Variants in MICAL2 observed in about 807,000 individuals in gnomAD.
The protein encoded by MICAL2 is [F-actin]-monooxygenase MICAL2.
MICAL2 carries 77 observed loss-of-function variants against 127.3 expected under a neutral mutation model. The ratio of observed to expected loss-of-function variants is 0.60; its 90% confidence interval spans 0.50 to 0.73. MICAL2 has a LOEUF of 0.73. Ranked by LOEUF, MICAL2 falls within the 30% of genes least tolerant of loss-of-function variation. MICAL2 has a pLI of 0.00. For synonymous variants in MICAL2, 570 were observed against 551.1 expected (o/e 1.03, Z -0.48); for missense variants, 1,351 against 1,434.4 (o/e 0.94, Z 0.94).
downstream of MICAL2, chr11:12,293,749 T>C: frequency 6.2e-7 from 1 of 1,613,936 alleles, no homozygotes; most frequent in Non-Finnish European, 8.5e-7. Context: ...TCTCAGACCC[T>C]GCAGAGATGA....
At chr11:12,198,953 CCA>C (rs1277493715) in intron 3 of MICAL2, among the ~76,000 whole-genome samples, 2 of 152,310 alleles carry the variant, frequency 1.3e-5, no homozygotes, top group African/African-American at 4.8e-5. Context: ...TTTCAGGAGG[CCA>C]CAGTGTGCTC....
intron 1 of MICAL2, among the ~76,000 whole-genome samples, chr11:12,117,234 TGGCAGCAAGAGGAG>T (rs575901446): frequency 8.5e-4 from 129 of 152,312 alleles, no homozygotes; most frequent in South Asian, 3.7e-3. Flanking sequence ...TTCTTTCTGC[TGGCAGCAAGAGGAG>T]GGCAGCAAGG....
intron 3 of MICAL2, among the ~76,000 whole-genome samples, chr11:12,180,073 A>G (rs1028134304): frequency 2.6e-5 from 4 of 152,172 alleles, no homozygotes; most frequent in African/African-American, 4.8e-5. Flanking sequence ...AACACACTGA[A>G]ATCAGGGTTC....
Position 12,168,831 on chromosome 11 carries a change from C to T in MICAL2, c.264+6412C>T, listed in dbSNP as rs368185216. Among the ~76,000 whole-genome samples, 2 of 151,384 alleles carry T rather than the reference C, an allele frequency of 1.3e-5. 1 individual carries two copies. Among genetic ancestry groups the T allele is most frequent in the East Asian group, 3.9e-4 (2 of 5,160 alleles). On this transcript the variant is annotated intron_variant, in intron 3 of 27. Transcript: ENST00000683283. ...GTGCACCCCACCGTGCCTGTGGTCCCAGCTACGTGGGAGGCTGAGGTGGGA... is the reference window on the plus strand; with the variant it reads ...GTGCACCCCACCGTGCCTGTGGTCCTAGCTACGTGGGAGGCTGAGGTGGGA...
intron 3 of MICAL2, among the ~76,000 whole-genome samples, chr11:12,167,410 T>C (rs904323022): frequency 6.6e-6 from 1 of 152,164 alleles, no homozygotes; most frequent in Non-Finnish European, 1.5e-5. Flanking sequence ...GACGGCCCTA[T>C]GGTCCCCAGT....
intron 3 of MICAL2, among the ~76,000 whole-genome samples, chr11:12,194,318 G>A (rs1193471015): frequency 1.3e-5 from 2 of 152,206 alleles, no homozygotes; most frequent in Non-Finnish European, 2.9e-5. Flanking sequence ...TGTAAGACAT[G>A]GATGATGGAT....
intron 3 of MICAL2, among the ~76,000 whole-genome samples, chr11:12,182,263 G>T (rs529912800): frequency 1.3e-5 from 2 of 152,280 alleles, no homozygotes; most frequent in South Asian, 2.1e-4. Context: ...AAGGACCCCT[G>T]TTCTGATGCC....
At chr11:12,314,842 A>G (rs1390770374) in intron 29 of MICAL2, among the ~76,000 whole-genome samples, 1 of 151,974 alleles carries the variant, frequency 6.6e-6, no homozygotes, top group East Asian at 1.9e-4. Context: ...GCTGTCATAT[A>G]TTTTAAATCA....
intron 13 of MICAL2, among the ~76,000 whole-genome samples, chr11:12,225,296 G>T (rs1295745249): frequency 6.6e-6 from 1 of 152,226 alleles, no homozygotes; most frequent in Non-Finnish European, 1.5e-5. Flanking sequence ...AGAAATAGCA[G>T]CAGGGTCATT....
intron 29 of MICAL2, among the ~76,000 whole-genome samples, chr11:12,313,179 A>AAT (rs1171001912): frequency 1.3e-5 from 2 of 151,434 alleles, no homozygotes; most frequent in Non-Finnish European, 1.5e-5. Context: ...AAAAAAAAAA[A>AAT]AAAAAAAAAG....
intron 21 of MICAL2, among the ~76,000 whole-genome samples, chr11:12,247,957 T>A (rs1054024108): frequency 2.6e-5 from 4 of 152,228 alleles, no homozygotes; most frequent in African/African-American, 9.7e-5. Context: ...TGATGCTTAG[T>A]CCTTGACAAC....
At chr11:12,111,881 G>A (rs552675224) in intron 1 of MICAL2, among the ~76,000 whole-genome samples, 2 of 152,266 alleles carry the variant, frequency 1.3e-5, no homozygotes, top group East Asian at 3.9e-4. Context: ...CAACAAGTGG[G>A]CCTCCGGTCT....
intron 14 of MICAL2, 78 bp from the exon 15 acceptor site, chr11:12,226,947 C>A: frequency 1.7e-6 from 2 of 1,170,502 alleles, no homozygotes; most frequent in Non-Finnish European, 1.3e-6. Context: ...GCCACCACAC[C>A]CAGCCAACAC....
At chr11:12,161,912 G>T in intron 2 of MICAL2, 167 bp from the exon 3 acceptor site, 1 of 558,716 alleles carries the variant, frequency 1.8e-6, no homozygotes, top group Non-Finnish European at 3.2e-6. Context: ...CAGGCCAAAA[G>T]GCACAATTCT....
At chr11:12,260,984 G>A (rs1863036580) in intron 26 of MICAL2, 1 of 985,508 alleles carries the variant, frequency 1.0e-6, no homozygotes, top group South Asian at 4.7e-5. Context: ...TGCCAAAGAT[G>A]AGCTCTTTCA....
At chr11:12,269,821 C>T (rs763651649) in intron 24 of MICAL2, among the ~76,000 whole-genome samples, 2 of 152,210 alleles carry the variant, frequency 1.3e-5, no homozygotes, top group African/African-American at 2.4e-5. Flanking sequence ...AGGGTGTGTC[C>T]GTGTGTATCT....
chr11:12,200,892 C>T (rs1253769725), intron 3 of MICAL2, among the ~76,000 whole-genome samples: 1 of 152,180 alleles, frequency 6.6e-6, no homozygotes, highest in African/African-American at 2.4e-5. Context: ...ATGCAGGGGG[C>T]TCCCCTCCTT....
At chr11:12,218,802 G>A (rs1590410620) in intron 8 of MICAL2, among the ~76,000 whole-genome samples, 1 of 152,190 alleles carries the variant, frequency 6.6e-6, no homozygotes, top group Non-Finnish European at 1.5e-5. Flanking sequence ...AGAAAATTGA[G>A]GCAGTGGTCA....
intron 8 of MICAL2, 25 bp from the exon 9 acceptor site, chr11:12,220,176 T>C (rs761019463): frequency 6.2e-7 from 1 of 1,613,226 alleles, no homozygotes; most frequent in East Asian, 2.2e-5. Context: ...GGGAGGTTGC[T>C]GCACCATGTT....
Sources: gnomAD v4.1 joint callset for allele counts (sites outside exome capture counted in the v4.1 genomes callset) on GRCh38, gnomAD v4.1.1 for gene constraint, MANE v1.5 for transcripts, NCBI Gene and HGNC (gene_info 2026-07-23, HGNC 2026-07-21) for gene names.